The following DYRK4 variants were observed in gnomAD, a reference collection of about 807,000 sequenced individuals.
DYRK4 encodes the protein dual specificity tyrosine-phosphorylation-regulated kinase 4.
A neutral mutation model predicts 68.3 loss-of-function variants in DYRK4; 64 were observed. The ratio of observed to expected loss-of-function variants is 0.94; its 90% confidence interval spans 0.77 to 1.15. DYRK4 has a LOEUF of 1.15. Ranked by LOEUF, DYRK4 falls within the 50% of genes most tolerant of loss-of-function variation. The pLI is 0.00. For missense variants in DYRK4, 740 were observed against 764.7 expected (o/e 0.97, Z 0.38); for synonymous variants, 274 against 289.9 (o/e 0.95, Z 0.56).
intron 2 of DYRK4, among the ~76,000 whole-genome samples, chr12:4,569,791 G>A (rs139815577): frequency 1.2e-4 from 19 of 152,090 alleles, no homozygotes; most frequent in Non-Finnish European, 2.4e-4. Context: ...TCTCTTCCAC[G>A]CCTCTCTGTT....
At chr12:4,603,845 T>C (rs796846728) in intron 10 of DYRK4, among the ~76,000 whole-genome samples, 29 of 152,382 alleles carry the variant, frequency 1.9e-4, no homozygotes, top group African/African-American at 6.5e-4. Flanking sequence ...TGCTCGGAAC[T>C]GAATTCGTAA....
intron 13 of DYRK4, among the ~76,000 whole-genome samples, chr12:4,611,352 G>T (rs959352563): frequency 7.2e-5 from 11 of 152,172 alleles, no homozygotes; most frequent in Non-Finnish European, 1.0e-4. Flanking sequence ...AGACAGATGG[G>T]TTATCCAGAA....
intron 2 of DYRK4, chr12:4,573,499 C>G (rs1215318458): frequency 9.8e-6 from 8 of 817,310 alleles, no homozygotes; most frequent in Non-Finnish European, 1.2e-5. Flanking sequence ...GGGCATGTCT[C>G]TGAGTACAAG....
At chr12:4,604,274 T>C (rs1040041760) in intron 10 of DYRK4, among the ~76,000 whole-genome samples, 7 of 152,228 alleles carry the variant, frequency 4.6e-5, no homozygotes, top group African/African-American at 1.7e-4. Context: ...ATTAAATCTC[T>C]ATTTTGTTTT....
chr12:4,598,947 A>T, intron 8 of DYRK4, 81 bp from the exon 9 acceptor site: 3 of 1,522,450 alleles, frequency 2.0e-6, no homozygotes, highest in Non-Finnish European at 2.7e-6. Context: ...AAACCAGGTG[A>T]TACAAGATTG....
At chr12:4,586,324 A>C (rs1317609409) in intron 2 of DYRK4, among the ~76,000 whole-genome samples, 1 of 152,130 alleles carries the variant, frequency 6.6e-6, no homozygotes. Flanking sequence ...CCTGTGAATA[A>C]AATCTTTTGT....
chr12:4,565,130 G>A (rs12811198), intron 1 of DYRK4, among the ~76,000 whole-genome samples: 19,153 of 152,220 alleles, frequency 0.13, 1,600 homozygotes, highest in Middle Eastern at 0.2. Flanking sequence ...AGATACAAAC[G>A]AAATATAAAA....
Position 4,562,231 on chromosome 12 carries a change from G to T in DYRK4, c.-15G>T. The T allele has an allele frequency of 6.6e-7, 1 of 1,526,020 alleles. No individual in the cohort carries two copies. Among genetic ancestry groups the T allele is most frequent in the Admixed American group, 2.0e-5 (1 of 49,890 alleles). The allele number at this position is 1,526,020 out of a possible 1,614,324, so 94.5% of individuals were successfully genotyped here. On this transcript the variant is annotated 5_prime_UTR_variant, in exon 1 of 15. Transcript: ENST00000543431. Reference sequence around the variant, plus strand: ...TCACAGCCTCCCGCAGCGGCGGGCGGTCAGCGCCGGCCTCATGCAGCTCCT... The same window carrying T: ...TCACAGCCTCCCGCAGCGGCGGGCGTTCAGCGCCGGCCTCATGCAGCTCCT...
Position 4,591,552 on chromosome 12 carries a change from G to A in DYRK4, c.463+254G>A, listed in dbSNP as rs183109312. ...CGGGATGTACCAATGCAGACAGAAG[G>A]AAGTGTCTCATTTGCCTAAGGAGCC... On this transcript the variant is annotated intron_variant, in intron 5 of 14. Transcript: ENST00000543431. This position sits in a 1 kb window ranked among gnomAD's most constrained non-coding sequence, Gnocchi z 4.1. The A allele has an allele frequency of 8.5e-4, 387 of 455,280 alleles. No individual in the cohort carries two copies. The highest frequency in any genetic ancestry group is 1.1e-3 in the Non-Finnish European group (290 of 260,366). The allele number at this position is 455,280 out of a possible 1,614,324, so 28.2% of individuals were successfully genotyped here. A position where few individuals can be genotyped will look rare whatever the true frequency, so the allele number is the denominator to read the frequency against.
chr12:4,592,220 G>A (rs886366048), intron 5 of DYRK4, among the ~76,000 whole-genome samples: 4 of 152,282 alleles, frequency 2.6e-5, no homozygotes, highest in African/African-American at 9.6e-5. Context: ...CCTTGGCTCT[G>A]TCCTCTGGGC....
chr12:4,568,000 C>T lies in DYRK4; in HGVS notation c.84C>T (p.Pro28=), dbSNP rs773787358. 6.5e-7 allele frequency: 1 copy of T among 1,536,144 alleles called. No homozygotes were observed. Among genetic ancestry groups the T allele is most frequent in the African/African-American group, 1.4e-5 (1 of 73,160 alleles). ...AKKPRKCDLT[P]FLVLKARKKQ... ...AGCCAAGGAAATGTGATTTGACTCC[C>T]TTCCTGGTTTTGAAAGCAAGAAAGA... The change falls in exon 2 of 15, where the codon CCC becomes CCT. Residue 28 remains proline (P), a synonymous_variant. Transcript: ENST00000543431.
At chr12:4,608,923 G>A (rs1020833192) in intron 12 of DYRK4, among the ~76,000 whole-genome samples, 2 of 152,176 alleles carry the variant, frequency 1.3e-5, no homozygotes, top group African/African-American at 2.4e-5. Context: ...TGGAGCACGC[G>A]AACTGGTCTT....
intron 2 of DYRK4, among the ~76,000 whole-genome samples, chr12:4,574,055 C>G (rs964930220): frequency 7.2e-5 from 11 of 151,914 alleles, no homozygotes; most frequent in Non-Finnish European, 1.3e-4. Flanking sequence ...GAAACCGCAT[C>G]TCTACTAAAA....
intron 11 of DYRK4, among the ~76,000 whole-genome samples, chr12:4,606,304 A>ATCTATCTG (rs1384291924): frequency 6.6e-6 from 1 of 152,018 alleles, no homozygotes; most frequent in Non-Finnish European, 1.5e-5. Flanking sequence ...CTATCTATCT[A>ATCTATCTG]TCTATCTATC....
Position 4,586,436 on chromosome 12 carries a change from C to A in DYRK4, c.133-2501C>A, listed in dbSNP as rs186122403. 2.7e-4 allele frequency among the ~76,000 whole-genome samples: 41 copies of A among 152,060 alleles called. No individual in the cohort carries two copies. In the East Asian group the frequency reaches 4.1e-3, roughly 15 times the overall value. ...CAATGTCATGAAAGCTCACTTTCTT[C>A]AAAAAAAATCCTGTCTTGCAGCTGT... On this transcript the variant is annotated intron_variant, in intron 2 of 14. Coordinates refer to ENST00000543431, the MANE Select transcript of DYRK4 (RefSeq NM_001394779.1).
At chr12:4,582,691 A>T (rs914001782) in intron 2 of DYRK4, among the ~76,000 whole-genome samples, 5 of 152,108 alleles carry the variant, frequency 3.3e-5, no homozygotes, top group African/African-American at 1.2e-4. Context: ...CATGGACTGG[A>T]TGACATGGCG....
chr12:4,590,219 G>T, intron 3 of DYRK4, 111 bp from the exon 4 acceptor site: 1 of 1,446,484 alleles, frequency 6.9e-7, no homozygotes, highest in Admixed American at 2.7e-5. Context: ...TCCAGATTGG[G>T]GTTAGGCTCA....
intron 10 of DYRK4, chr12:4,603,259 CTCTTT>C: frequency 2.2e-6 from 2 of 892,272 alleles, no homozygotes; most frequent in South Asian, 1.4e-5. Flanking sequence ...CTGTTTCATT[CTCTTT>C]TAAGTCTTGG....
At chr12:4,599,995 C>T (rs954045845) in intron 10 of DYRK4, among the ~76,000 whole-genome samples, 1 of 152,188 alleles carries the variant, frequency 6.6e-6, no homozygotes, top group African/African-American at 2.4e-5. Context: ...TGCTTTCAAG[C>T]TCTCATATTC....
Sources: allele counts gnomAD v4.1 joint callset (sites outside exome capture counted in the v4.1 genomes callset), GRCh38; gene constraint gnomAD v4.1.1; non-coding constraint Gnocchi (gnomAD v3.1); transcripts MANE v1.5; gene names NCBI Gene and HGNC (gene_info 2026-07-23, HGNC 2026-07-21).